The following NOMO1 variants were observed in gnomAD, a reference collection of about 807,000 sequenced individuals.
The protein encoded by NOMO1 is nodal modulator 3.
Under a neutral mutation model 133.8 loss-of-function variants are expected in NOMO1, and 40 were observed. The observed-to-expected ratio is 0.30, with a 90% CI of 0.23 to 0.39. The LOEUF is 0.39. Among genes scored for constraint, NOMO1 ranks in the 10% least tolerant of loss-of-function variants. NOMO1 has a pLI of 1.00. For synonymous variants in NOMO1, 236 were observed against 570.5 expected (o/e 0.41, Z 8.36); for missense variants, 462 against 1,419.9 (o/e 0.33, Z 10.84).
intron 28 of NOMO1, 39 bp downstream of exon 28, chr16:14,886,901 T>G: frequency 6.3e-7 from 1 of 1,599,236 alleles, no homozygotes; most frequent in South Asian, 1.1e-5. Context: ...TGCCTTTGTT[T>G]TAATAATTCT....
intron 6 of NOMO1, among the ~76,000 whole-genome samples, chr16:14,850,814 T>G (rs1963747299): frequency 6.6e-6 from 1 of 151,900 alleles, no homozygotes; most frequent in Non-Finnish European, 1.5e-5. Flanking sequence ...TGGGCGCAGT[T>G]GCTCATGCTG....
intron 15 of NOMO1, among the ~76,000 whole-genome samples, chr16:14,867,862 G>A (rs1442484470): frequency 1.4e-5 from 2 of 142,596 alleles, no homozygotes; most frequent in African/African-American, 5.1e-5. Context: ...TCCAGCAGTG[G>A]AGTGGATTTC....
chr16:14,881,339 A>G (rs1250376256), intron 24 of NOMO1, among the ~76,000 whole-genome samples: 1 of 152,018 alleles, frequency 6.6e-6, no homozygotes, highest in Admixed American at 6.6e-5. Context: ...CTCAAAATGT[A>G]TGAGAAAAGA....
intron 2 of NOMO1, among the ~76,000 whole-genome samples, chr16:14,839,949 TGGCCA>T (rs1285589238): frequency 6.9e-6 from 1 of 145,510 alleles, no homozygotes; most frequent in Non-Finnish European, 1.5e-5. Context: ...TTCACCATGT[TGGCCA>T]GGCTGGTTTT....
At chr16:14,841,765 A>C (rs537506912) in intron 3 of NOMO1, among the ~76,000 whole-genome samples, 1 of 151,922 alleles carries the variant, frequency 6.6e-6, no homozygotes, top group Non-Finnish European at 1.5e-5. Context: ...CAGTTTTTTA[A>C]GTTTTTATGG....
intron 14 of NOMO1, 121 bp from the exon 15 acceptor site, chr16:14,866,434 T>C: frequency 6.3e-7 from 1 of 1,575,338 alleles, no homozygotes; most frequent in South Asian, 1.1e-5. Flanking sequence ...TTTCTATCTT[T>C]ATGTCTACAT....
chr16:14,842,274 C>T (rs1241814785), intron 3 of NOMO1, among the ~76,000 whole-genome samples: 4 of 150,996 alleles, frequency 2.6e-5, no homozygotes, highest in African/African-American at 9.8e-5. Context: ...CAGGCTTGCT[C>T]GTGCATTAGA....
Position 14,886,826 on chromosome 16 carries a change from G to T in NOMO1, c.3288G>T (p.Leu1096=). Residue 1096 remains leucine, a synonymous_variant, in exon 28 of 31, where the codon CTG becomes CTT. Coordinates refer to ENST00000287667, the MANE Select transcript of NOMO1 (RefSeq NM_014287.4). ...PIQTVSLGQS[L]FFHFPPLLRD... ...AGACAGTTTCCCTTGGCCAGTCCCT[G>T]TTCTTCCATTTCCCCCCACTGCTCA... 1 of 1,611,746 alleles carries T rather than the reference G, an allele frequency of 6.2e-7. No individual in the cohort carries two copies. The highest frequency in any genetic ancestry group is 1.1e-5 in the South Asian group (1 of 90,960).
chr16:14,871,591 T>C lies in NOMO1; in HGVS notation c.1895-30T>C, dbSNP rs765139280. The C allele has an allele frequency of 1.9e-5, 30 of 1,610,984 alleles. 1 individual carries two copies. The highest frequency in any genetic ancestry group is 2.5e-5 in the Non-Finnish European group (30 of 1,179,498). ...GCTCGGTGTAATAGATGCCATTCTC[T>C]GAAAATTACTTTTGATTTCCTGTCT... On this transcript the variant is annotated intron_variant, in intron 16 of 30. Transcript: ENST00000287667.
chr16:14,867,661 A>C (rs1385609389), intron 15 of NOMO1, among the ~76,000 whole-genome samples: 2 of 148,878 alleles, frequency 1.3e-5, no homozygotes, highest in Non-Finnish European at 3.0e-5. Flanking sequence ...TTTGATGTCG[A>C]GCGGCGGCAG....
chr16:14,891,372 C>G (rs1964402941), intron 29 of NOMO1, among the ~76,000 whole-genome samples: 1 of 151,268 alleles, frequency 6.6e-6, no homozygotes, highest in Non-Finnish European at 1.5e-5. Context: ...GTTTGTTGTA[C>G]ATATTTTTCC....
chr16:14,891,529 GT>G (rs1441727275), intron 29 of NOMO1, among the ~76,000 whole-genome samples: 2 of 151,500 alleles, frequency 1.3e-5, no homozygotes, highest in African/African-American at 2.4e-5. Flanking sequence ...AATTTATTGT[GT>G]TTTTTTCAGG....
intron 9 of NOMO1, among the ~76,000 whole-genome samples, chr16:14,854,359 G>A (rs1963803654): frequency 7.5e-6 from 1 of 132,584 alleles, no homozygotes; most frequent in Non-Finnish European, 1.6e-5. Context: ...TTTTAAGATA[G>A]GGTCTCACTG....
intron 9 of NOMO1, among the ~76,000 whole-genome samples, chr16:14,854,332 ATTTTTTTTT>A (rs767871170): frequency 8.1e-6 from 1 of 123,222 alleles, no homozygotes; most frequent in African/African-American, 3.1e-5. Context: ...TGTGGACCTC[ATTTTTTTTT>A]TTTTTTTTTT....
intron 11 of NOMO1, among the ~76,000 whole-genome samples, chr16:14,857,898 C>G (rs548484809): frequency 2.2e-5 from 2 of 92,638 alleles, no homozygotes; most frequent in Non-Finnish European, 4.3e-5. Flanking sequence ...GCCTCAGCTT[C>G]CCAAGTAGCT....
chr16:14,864,623 G>A lies in NOMO1; in HGVS notation c.1434G>A (p.Thr478=), dbSNP rs372660284. ...VPEAETRAGL[T]LKPQTFPLTV... ...AGGCAGAAACCAGAGCAGGGCTGAC[G>A]TTGAAACCCCAGACATTTCCTCTTA... Residue 478 remains threonine (T), a synonymous_variant, in exon 13 of 31, where the codon ACG becomes ACA. Coordinates refer to ENST00000287667, the MANE Select transcript of NOMO1 (RefSeq NM_014287.4). 4.2e-5 allele frequency: 68 copies of A among 1,613,232 alleles called. No individual in the cohort carries two copies. Among genetic ancestry groups the A allele is most frequent in the Middle Eastern group, 1.6e-4 (1 of 6,074 alleles).
intron 28 of NOMO1, among the ~76,000 whole-genome samples, chr16:14,887,417 C>T (rs889289457): frequency 2.6e-5 from 4 of 151,834 alleles, no homozygotes; most frequent in Non-Finnish European, 4.4e-5. Flanking sequence ...CCTCAGCCTC[C>T]GAAGTAGCTG....
At chr16:14,835,687 A>G (rs1963495708) in intron 1 of NOMO1, among the ~76,000 whole-genome samples, 1 of 151,882 alleles carries the variant, frequency 6.6e-6, no homozygotes, top group South Asian at 2.1e-4. Context: ...CATACTGGCC[A>G]TCTTGATGTA....
In NOMO1 at chr16:14,886,792, A is replaced by G. The variant is rs140685019; in HGVS notation, c.3254A>G (p.Asn1085Ser). 2,796 of 1,611,638 alleles carry G rather than the reference A, an allele frequency of 1.7e-3. 102 individuals carry two copies. The East Asian group carries it at 0.045, about 26-fold the overall frequency. The part of the protein sequence containing the change: ...VKLYKSENLD[N>S]PIQTVSLGQS... The stretch of plus-strand genomic sequence containing the variant: ...CTTTACAAAAGCGAAAACCTCGACA[A>G]TCCAATCCAGACAGTTTCCCTTGGC... Residue 1085 changes from asparagine to serine, a missense_variant, in exon 28 of 31, where the codon AAT (asparagine) becomes AGT (serine). Transcript: ENST00000287667.
Sources: allele counts gnomAD v4.1 joint callset (sites outside exome capture counted in the v4.1 genomes callset), GRCh38; gene constraint gnomAD v4.1.1; transcripts MANE v1.5; gene names NCBI Gene and HGNC (gene_info 2026-07-23, HGNC 2026-07-21).